Variants in ARHGEF4 observed in about 807,000 individuals in gnomAD.
ARHGEF4 encodes APC-stimulated guanine nucleotide exchange factor 1.
Under a neutral mutation model 162.0 loss-of-function variants are expected in ARHGEF4, and 119 were observed. That is an observed-to-expected ratio of 0.73 (90% CI 0.63 to 0.86). The LOEUF is 0.86. Ranked by LOEUF, ARHGEF4 falls within the 40% of genes least tolerant of loss-of-function variation. The probability of loss-of-function intolerance (pLI) is 0.00; values close to 1 mark genes in which losing one functional copy is unlikely to be tolerated. For synonymous variants in ARHGEF4, 1,014 were observed against 979.9 expected, an observed-to-expected ratio of 1.03 and a Z score of -0.65; for missense variants, 2,488 against 2,456.0, an observed-to-expected ratio of 1.01 and a Z score of -0.28.
At chr2:130,907,815 G>A (rs1295622664) in intron 1 of ARHGEF4, among the ~76,000 whole-genome samples, 1 of 151,852 alleles carries the variant, frequency 6.6e-6, no homozygotes, top group Admixed American at 6.6e-5. Context: ...AATTAGCCAG[G>A]CGTGGTGGCA....
In ARHGEF4 at chr2:130,927,683, C is replaced by T. The variant is rs377291165; in HGVS notation, c.3553-3269C>T. ...GACTGTTCAGCATCCATATAGGAAG[C>T]ATGTATGAGTGGTATATATGCGGCA... On this transcript the variant is annotated intron_variant, in intron 2 of 13. Coordinates refer to ENST00000409359, the MANE Select transcript of ARHGEF4 (RefSeq NM_001367493.1). 2.7e-4 allele frequency among the ~76,000 whole-genome samples: 38 copies of T among 143,298 alleles called. No individual in the cohort carries two copies. The East Asian group carries it at 7.6e-3, about 28-fold the overall frequency. 94.0% of individuals were successfully genotyped at this position (143,298 alleles called of 152,430 possible). A position where few individuals can be genotyped will look rare whatever the true frequency, so the allele number is the denominator to read the frequency against.
Position 130,999,567 on chromosome 2 carries a change from A to C in ARHGEF4, c.3986-28378A>C, listed in dbSNP as rs138894818. ...TTCTTTTCATTCTCTTAATGTGCTAACATTTTGAATAAACTCCTATCTTTT... is the reference window on the plus strand; with the variant it reads ...TTCTTTTCATTCTCTTAATGTGCTACCATTTTGAATAAACTCCTATCTTTT... On this transcript the variant is annotated intron_variant, in intron 4 of 13. Transcript: ENST00000409359. 5.3e-3 allele frequency among the ~76,000 whole-genome samples: 800 copies of C among 152,264 alleles called. 12 individuals carry two copies. The highest frequency in any genetic ancestry group is 0.018 in the African/African-American group (761 of 41,546).
chr2:130,974,161 A>T (rs1020148931), intron 4 of ARHGEF4, among the ~76,000 whole-genome samples: 1 of 151,674 alleles, frequency 6.6e-6, no homozygotes, highest in South Asian at 2.1e-4. Flanking sequence ...CGTCCCAGCC[A>T]CTTGGGAGGC....
In ARHGEF4 at chr2:131,046,350, G is replaced by A. The variant is rs1240851846; in HGVS notation, c.*161G>A. 9.4e-6 allele frequency: 7 copies of A among 741,958 alleles called. No individual in the cohort carries two copies. The highest frequency in any genetic ancestry group is 1.5e-5 in the Non-Finnish European group (7 of 465,692). 46.0% of individuals were successfully genotyped at this position (741,958 alleles called of 1,614,324 possible). ...CAAGACGTGCCAGGTCTGTACTCCT[G>A]TTGTCTTTTTCCCTGCTCCTGGTGC... On this transcript the variant is annotated 3_prime_UTR_variant, in exon 14 of 14. Coordinates refer to ENST00000409359, the MANE Select transcript of ARHGEF4 (RefSeq NM_001367493.1).
chr2:130,985,842 A>G (rs1348507530), intron 4 of ARHGEF4, among the ~76,000 whole-genome samples: 2 of 151,200 alleles, frequency 1.3e-5, no homozygotes, highest in Non-Finnish European at 2.9e-5. Context: ...TTGTACGTGC[A>G]TGGTGTGTTT....
intron 4 of ARHGEF4, among the ~76,000 whole-genome samples, chr2:130,995,700 A>T (rs1456162967): frequency 1.3e-5 from 2 of 152,032 alleles, no homozygotes; most frequent in Non-Finnish European, 2.9e-5. Context: ...CTTCGGTCCA[A>T]TTTCTAATTA....
At chr2:131,011,957 A>C in intron 4 of ARHGEF4, 1 of 699,176 alleles carries the variant, frequency 1.4e-6, no homozygotes, top group Non-Finnish European at 2.6e-6. Context: ...TAATAAAGTA[A>C]AGGTAGGGCT....
intron 3 of ARHGEF4, among the ~76,000 whole-genome samples, chr2:130,932,034 A>G (rs1682666899): frequency 6.6e-6 from 1 of 152,116 alleles, no homozygotes. Context: ...AGGCATTTTC[A>G]TCACCCCTAA....
intron 4 of ARHGEF4, among the ~76,000 whole-genome samples, chr2:130,972,075 ATCATTCTCAAATAAG>A (rs1685408460): frequency 1.3e-5 from 2 of 152,250 alleles, no homozygotes; most frequent in African/African-American, 4.8e-5. Context: ...TTAAATGAAC[ATCATTCTCAAATAAG>A]TCATTCCAGG....
intron 1 of ARHGEF4, among the ~76,000 whole-genome samples, chr2:130,897,818 A>G (rs1299501489): frequency 1.3e-5 from 2 of 152,044 alleles, no homozygotes; most frequent in Admixed American, 6.6e-5. Flanking sequence ...CTAAAATACC[A>G]TGTTGCTACT....
Position 130,946,630 on chromosome 2 carries a change from GC to G in ARHGEF4, c.3981del (p.Thr1328LeufsTer82), listed in dbSNP as rs1558754885. On this transcript the variant is annotated frameshift_variant, in exon 4 of 14. Transcript: ENST00000409359. LOFTEE classifies it high-confidence loss of function. ...ATGGGCTGGCCAGAGCACACACCAG[GC>G]ACTGGTGAGTTACGCGCCTCTCTCT... ...NHMGWPEHTP[G>X]TAMPDGALDT... 1 of 1,613,952 alleles carries G rather than the reference GC, an allele frequency of 6.2e-7. No individual in the cohort carries two copies. The highest frequency in any genetic ancestry group is 2.2e-5 in the East Asian group (1 of 44,866).
chr2:130,961,771 T>TG (rs1388396617), intron 4 of ARHGEF4, among the ~76,000 whole-genome samples: 1 of 152,130 alleles, frequency 6.6e-6, no homozygotes, highest in Admixed American at 6.5e-5. Context: ...GCTGATGGCC[T>TG]GGGAGGGGTA....
At chr2:130,942,299 G>A (rs956042879) in intron 3 of ARHGEF4, among the ~76,000 whole-genome samples, 6 of 151,608 alleles carry the variant, frequency 4.0e-5, no homozygotes, top group South Asian at 2.1e-4. Context: ...ACAGGAACCC[G>A]CCACCACGCC....
chr2:131,041,676 G>GCTGTGCATCTGATAGTGAGGATGTGGT, intron 9 of ARHGEF4, 139 bp from the exon 10 acceptor site: 1 of 1,264,120 alleles, frequency 7.9e-7, no homozygotes, highest in South Asian at 1.4e-5. Context: ...GAAGAGAGGG[G>GCTGTGCATCTGATAGTGAGGATGTGGT]CTGTGCATCT....
intron 4 of ARHGEF4, among the ~76,000 whole-genome samples, chr2:131,019,560 G>A (rs1688963566): frequency 6.6e-6 from 1 of 150,432 alleles, no homozygotes; most frequent in African/African-American, 2.4e-5. Context: ...GCAATGTTTT[G>A]TAGCTTTTAT....
chr2:130,897,893 G>A (rs934812602), intron 1 of ARHGEF4, among the ~76,000 whole-genome samples: 15 of 152,184 alleles, frequency 9.9e-5, no homozygotes, highest in Non-Finnish European at 2.1e-4. Context: ...GGTAATGAAC[G>A]TGAAGGCTGC....
chr2:130,959,760 G>C (rs1684523975), intron 4 of ARHGEF4, among the ~76,000 whole-genome samples: 1 of 152,188 alleles, frequency 6.6e-6, no homozygotes, highest in Non-Finnish European at 1.5e-5. Context: ...ACTAGGAAGA[G>C]ACAGAACTGA....
intron 1 of ARHGEF4, among the ~76,000 whole-genome samples, chr2:130,882,753 T>C (rs1679278223): frequency 2.6e-5 from 4 of 151,860 alleles, no homozygotes. Context: ...ATTTTTCTCA[T>C]TTAAAAGAAG....
chr2:131,035,239 A>G, intron 5 of ARHGEF4: 3 of 1,223,078 alleles, frequency 2.5e-6, no homozygotes, highest in Non-Finnish European at 3.1e-6. Context: ...CGTCGTACTG[A>G]TCTTCCTGCT....
Sources: gnomAD v4.1 joint callset for allele counts (sites outside exome capture counted in the v4.1 genomes callset) on GRCh38, gnomAD v4.1.1 for gene constraint, MANE v1.5 for transcripts, NCBI Gene and HGNC (gene_info 2026-07-23, HGNC 2026-07-21) for gene names.